SIM1: variants seen among roughly 807,000 people sequenced by gnomAD.
SIM1 encodes the protein SIM bHLH transcription factor 1, also known as single-minded homolog 1.
In SIM1, 18 loss-of-function variants were observed where a neutral mutation model predicts 78.2. The observed-to-expected ratio is 0.23, with a 90% confidence interval of 0.16 to 0.34. SIM1 has a LOEUF of 0.34. Ranked by LOEUF, SIM1 falls within the 10% of genes least tolerant of loss-of-function variation. The pLI is 1.00. For synonymous variants in SIM1, 417 were observed against 385.2 expected (o/e 1.08, Z -0.97); for missense variants, 939 against 975.1 (o/e 0.96, Z 0.49).
intron 9 of SIM1, among the ~76,000 whole-genome samples, chr6:100,434,413 G>A (rs1771987215): frequency 6.6e-6 from 1 of 152,230 alleles, no homozygotes; most frequent in Admixed American, 6.5e-5. Flanking sequence ...ACTCTGTGTT[G>A]CATTTGGCTT....
Position 100,449,353 on chromosome 6 carries a change from A to G in SIM1, c.543+10T>C. On this transcript the variant is annotated intron_variant, in intron 6 of 11. Coordinates refer to ENST00000369208, the MANE Select transcript of SIM1 (RefSeq NM_005068.3). ...TGACTCCACCCGGAGCGGATCTTCCAGCTACGCACCTTGTAGCCGCCACAG... is the reference window on the plus strand; with the variant it reads ...TGACTCCACCCGGAGCGGATCTTCCGGCTACGCACCTTGTAGCCGCCACAG... 1.2e-6 allele frequency: 2 copies of G among 1,611,326 alleles called. No individual in the cohort carries two copies. The highest frequency in any genetic ancestry group is 1.7e-6 in the Non-Finnish European group (2 of 1,177,886).
intron 10 of SIM1, among the ~76,000 whole-genome samples, chr6:100,410,052 G>A (rs576293642): frequency 2.6e-5 from 4 of 152,028 alleles, no homozygotes; most frequent in Non-Finnish European, 2.9e-5. Context: ...ACTATAATAC[G>A]CCAAGAGAGT....
In SIM1 at chr6:100,463,442, CG is replaced by C. The variant is rs1772906106; in HGVS notation, c.26del (p.Ala9GlyfsTer34). The C allele has an allele frequency of 6.2e-7, 1 of 1,610,334 alleles. No individual in the cohort carries two copies. Among genetic ancestry groups the C allele is most frequent in the African/African-American group, 1.3e-5 (1 of 74,886 alleles). MKEKSKNA[A>X]RTRREKENSE... Reference sequence around the variant, plus strand: ...TGTTTTCCTTCTCCCTCCTAGTCCGCGCAGCATTTTTGGACTTTTCTTTCAT... The same window carrying C: ...TGTTTTCCTTCTCCCTCCTAGTCCGCCAGCATTTTTGGACTTTTCTTTCAT... On this transcript the variant is annotated frameshift_variant, in exon 2 of 12. Transcript: ENST00000369208. LOFTEE classifies it high-confidence loss of function.
intron 9 of SIM1, among the ~76,000 whole-genome samples, chr6:100,426,753 C>T (rs736838): frequency 0.01 from 1,568 of 152,260 alleles, 31 homozygotes; most frequent in African/African-American, 0.036. Context: ...CTCTTCCACC[C>T]CACCATATTC....
Position 100,391,021 on chromosome 6 carries a change from G to T in SIM1, c.1641C>A (p.Asp547Glu), listed in dbSNP as rs1582598833. ...PDPGSASESG[D>E]RYRTEQYQSS... ...TTTGATACTGCTCAGTACGATATCG[G>T]TCACCTGATTCACTGGCCGACCCAG... The change falls in exon 12 of 12, where the codon GAC becomes GAA. Residue 547 changes from aspartate to glutamate, a missense_variant. Coordinates refer to ENST00000369208, the MANE Select transcript of SIM1 (RefSeq NM_005068.3). 5 of 1,613,916 alleles carry T rather than the reference G, an allele frequency of 3.1e-6. No individual in the cohort carries two copies.
rs747224105 is a variant in SIM1, at chr6:100,389,373, A to G, written c.*988T>C. 2.7e-6 allele frequency: 1 copy of G among 374,744 alleles called. No individual in the cohort carries two copies. Among genetic ancestry groups the G allele is most frequent in the Non-Finnish European group, 4.7e-6 (1 of 211,258 alleles). The allele number at this position is 374,744 out of a possible 1,614,324, so 23.2% of individuals were successfully genotyped here. On this transcript the variant is annotated 3_prime_UTR_variant, in exon 12 of 12. Transcript: ENST00000369208. ...TTTGAAACGTTTTCAAACACTTAAC[A>G]CTGCTGTCATGTGGCACTTCACTGG... is the stretch of plus-strand genomic sequence containing the variant.
At chr6:100,453,908 A>G in intron 2 of SIM1, 64 bp from the exon 3 acceptor site, 1 of 1,290,212 alleles carries the variant, frequency 7.8e-7, no homozygotes, top group Non-Finnish European at 1.1e-6. Flanking sequence ...TTTGGGACCA[A>G]GTCCCGCGAC....
At chr6:100,441,989 G>A (rs1025385846) in intron 9 of SIM1, among the ~76,000 whole-genome samples, 13 of 152,152 alleles carry the variant, frequency 8.5e-5, no homozygotes, top group African/African-American at 3.1e-4. Context: ...TGCAGTAGGA[G>A]TGACACACCA....
Position 100,387,084 on chromosome 6 carries a change from C to T in SIM1, c.*3277G>A, listed in dbSNP as rs949309632. 6.6e-6 allele frequency: 1 copy of T among 151,882 alleles called. No individual in the cohort carries two copies. The highest frequency in any genetic ancestry group is 2.4e-5 in the African/African-American group (1 of 41,380). The allele number at this position is 151,882 out of a possible 1,614,324, so 9.4% of individuals were successfully genotyped here. ...AAGTAGGTATGGCAGGTGAAATGGG[C>T]AATAAAGATACTTATTATCACTAGA... On this transcript the variant is annotated 3_prime_UTR_variant, in exon 12 of 12. Coordinates refer to ENST00000369208, the MANE Select transcript of SIM1 (RefSeq NM_005068.3).
chr6:100,431,365 T>C (rs1268593100), intron 9 of SIM1, among the ~76,000 whole-genome samples: 2 of 152,190 alleles, frequency 1.3e-5, no homozygotes. Flanking sequence ...TTATTTCTAA[T>C]CTCCTTAAAG....
intron 2 of SIM1, 114 bp from the exon 3 acceptor site, chr6:100,453,958 AG>A: frequency 1.6e-6 from 1 of 643,604 alleles, no homozygotes. Context: ...TGGATACCAT[AG>A]GGGATCCCTC....
At position 100,447,346 on chromosome 6, in the gene SIM1, A is replaced by G. The variant is rs1363119643; in HGVS notation, c.920T>C (p.Val307Ala). 2 of 1,614,050 alleles carry G rather than the reference A, an allele frequency of 1.2e-6. No homozygotes were observed. The highest frequency in any genetic ancestry group is 2.7e-5 in the African/African-American group (2 of 74,928). The change falls in exon 9 of 12, where the codon GTG (valine) becomes GCG (alanine). Residue 307 changes from valine to alanine, a missense_variant. Physicochemically the swap from Val to Ala is moderately conservative, Grantham distance 64. This residue lies in a region of SIM1 where 66 missense variants were observed against 108.4 expected (regional missense o/e 0.61). Transcript: ENST00000369208. ...FLAKHGGWVWVQSYATIVHNS... is the reference protein window; with the variant it reads ...FLAKHGGWVWAQSYATIVHNS... ...GTGCACGATGGTCGCGTAGCTCTGC[A>G]CCCATACCCAGCCGCCGTGTTTCGC...
Position 100,463,478 on chromosome 6 carries a change from T to C in SIM1, c.-10A>G, listed in dbSNP as rs770636997. The C allele has an allele frequency of 6.3e-7, 1 of 1,594,106 alleles. No homozygotes were observed. On this transcript the variant is annotated 5_prime_UTR_variant, in exon 2 of 12. Transcript: ENST00000369208. ...TGGACTTTTCTTTCATTGTGTCTTG[T>C]TCCCCCTTTCTTCTCACAACTTAAG...
intron 9 of SIM1, among the ~76,000 whole-genome samples, chr6:100,424,770 T>C (rs111973658): frequency 0.029 from 4,376 of 152,204 alleles, 88 homozygotes; most frequent in Non-Finnish European, 0.048. Context: ...GATGAAATAT[T>C]CTGTGAAAAA....
At chr6:100,433,430 G>A (rs963332383) in intron 9 of SIM1, among the ~76,000 whole-genome samples, 3 of 152,066 alleles carry the variant, frequency 2.0e-5, no homozygotes, top group Non-Finnish European at 4.4e-5. Flanking sequence ...CACATGGCTG[G>A]CTCCCTTCCT....
intron 10 of SIM1, among the ~76,000 whole-genome samples, chr6:100,410,800 C>T (rs1771170425): frequency 6.6e-6 from 1 of 152,052 alleles, no homozygotes; most frequent in Admixed American, 6.5e-5. Context: ...GATCAGAGAC[C>T]AAAAGAACAA....
intron 8 of SIM1, among the ~76,000 whole-genome samples, chr6:100,447,901 C>CG (rs1360761235): frequency 6.6e-6 from 1 of 152,230 alleles, no homozygotes; most frequent in East Asian, 1.9e-4. Context: ...ATACCTTCGC[C>CG]GGGGGCGGGG....
Position 100,448,691 on chromosome 6 carries a change from G to A in SIM1, c.544-13C>T. 1 of 1,604,974 alleles carries A rather than the reference G, an allele frequency of 6.2e-7. No homozygotes were observed. The highest frequency in any genetic ancestry group is 8.5e-7 in the Non-Finnish European group (1 of 1,178,086). ...TGCAGTGGATGACCTGAGGCAGAGG[G>A]ATAGGGAGGGAGACTCAGCCACAGG... On this transcript the variant is annotated splice_polypyrimidine_tract_variant and intron_variant, in intron 6 of 11. Transcript: ENST00000369208.
At chr6:100,449,528 T>A in intron 5 of SIM1, 63 bp downstream of exon 5, 2 of 1,583,502 alleles carry the variant, frequency 1.3e-6, no homozygotes, top group Middle Eastern at 3.3e-4. Flanking sequence ...CCACGACTAA[T>A]TGGGGAAAAA....
Sources: gnomAD v4.1 joint callset for allele counts (sites outside exome capture counted in the v4.1 genomes callset) on GRCh38, gnomAD v4.1.1 for gene constraint, gnomAD v4.1.1 regional missense constraint, MANE v1.5 for transcripts, NCBI Gene and HGNC (gene_info 2026-07-23, HGNC 2026-07-21) for gene names.